Variants in SEC23A observed in about 807,000 individuals in gnomAD.
SEC23A encodes the protein SEC23 homolog A, COPII component, also known as protein transport protein Sec23A.
In SEC23A, 56 loss-of-function variants were observed where a neutral mutation model predicts 103.7. That is an observed-to-expected ratio of 0.54 (90% CI 0.44 to 0.67). SEC23A has a LOEUF of 0.67. Among genes scored for constraint, SEC23A ranks in the 30% least tolerant of loss-of-function variants. The pLI, the probability that SEC23A is intolerant of heterozygous loss-of-function variation, is 0.00. For missense variants in SEC23A, 784 were observed against 936.4 expected (o/e 0.84, Z 2.12); for synonymous variants, 281 against 293.0 (o/e 0.96, Z 0.42).
chr14:39,037,392 C>T (rs897285007), intron 19 of SEC23A, among the ~76,000 whole-genome samples: 4 of 152,132 alleles, frequency 2.6e-5, no homozygotes, highest in Non-Finnish European at 5.9e-5. Context: ...CCTGTTTCCC[C>T]TCACCTGTTT....
chr14:39,054,309 C>A (rs1173380647), intron 14 of SEC23A, among the ~76,000 whole-genome samples: 1 of 151,534 alleles, frequency 6.6e-6, no homozygotes, highest in Non-Finnish European at 1.5e-5. Flanking sequence ...TAATCAAGTG[C>A]TCTGTGTCAT....
chr14:39,080,534 T>C (rs1159825302), intron 7 of SEC23A, among the ~76,000 whole-genome samples: 1 of 152,052 alleles, frequency 6.6e-6, no homozygotes, highest in African/African-American at 2.4e-5. Context: ...GCCTCCCAAG[T>C]AGCTGGGATT....
intron 13 of SEC23A, among the ~76,000 whole-genome samples, chr14:39,057,385 T>G (rs573458153): frequency 2.0e-5 from 3 of 152,108 alleles, no homozygotes; most frequent in Non-Finnish European, 4.4e-5. Context: ...AAGGTCTCAC[T>G]CTATCACCCA....
rs374517830 is a variant in SEC23A at position 39,065,031 on chromosome 14, A to G, written c.1228-38T>C. 193 of 1,318,566 alleles carry G rather than the reference A, an allele frequency of 1.5e-4. 2 individuals carry two copies. The East Asian group carries it at 3.8e-3, about 26-fold the overall frequency. 81.7% of individuals were successfully genotyped at this position (1,318,566 alleles called of 1,614,324 possible). On this transcript the variant is annotated intron_variant, in intron 10 of 19. Transcript: ENST00000307712. ...AATACAGCATGTTCGGTTTCCTCAA[A>G]GATACGTTCAAATGTTCAACTACAG...
At chr14:39,050,925 T>C (rs978226303) in intron 14 of SEC23A, among the ~76,000 whole-genome samples, 2 of 152,244 alleles carry the variant, frequency 1.3e-5, no homozygotes, top group Non-Finnish European at 2.9e-5. Flanking sequence ...CAGTATCTTA[T>C]GTGATAAATG....
At chr14:39,039,484 T>G (rs1885564767) in intron 18 of SEC23A, 1 of 211,950 alleles carries the variant, frequency 4.7e-6, no homozygotes, top group African/African-American at 2.4e-5. Context: ...CTTAAAATAA[T>G]GACCCTTAAG....
In SEC23A at chr14:39,091,641, G is replaced by A. The variant is rs776723987; in HGVS notation, c.439C>T (p.Leu147=). The A allele has an allele frequency of 1.2e-6, 2 of 1,613,984 alleles. No individual in the cohort carries two copies. ...AATGACATCTGCATGGATTCTTTCA[G>A]GGCTTGTAAATCTTCATCTTCCATG... is the stretch of plus-strand genomic sequence containing the variant. ...TCMEDEDLQA[L]KESMQMSLSL... is the part of the protein sequence containing the mutation. The change falls in exon 5 of 20, where the codon CTG becomes TTG. Residue 147 remains leucine (L), a synonymous_variant. Coordinates refer to ENST00000307712, the MANE Select transcript of SEC23A (RefSeq NM_006364.4).
chr14:39,055,871 C>T (rs2139213864), intron 13 of SEC23A, among the ~76,000 whole-genome samples: 1 of 152,326 alleles, frequency 6.6e-6, no homozygotes, highest in Non-Finnish European at 1.5e-5. Flanking sequence ...CTATAACTAG[C>T]AACTTCAAGT....
chr14:39,053,517 T>G (rs1386392375), intron 14 of SEC23A, among the ~76,000 whole-genome samples: 1 of 151,646 alleles, frequency 6.6e-6, no homozygotes, highest in Non-Finnish European at 1.5e-5. Context: ...TCTTTCTTGT[T>G]TTTTTTTTTT....
At chr14:39,072,968 G>A (rs747456204) in intron 9 of SEC23A, among the ~76,000 whole-genome samples, 3 of 152,150 alleles carry the variant, frequency 2.0e-5, no homozygotes, top group Non-Finnish European at 2.9e-5. Context: ...ATTACTATGT[G>A]ATGCAACAAT....
At chr14:39,071,920 G>A (rs1886852972) in intron 9 of SEC23A, among the ~76,000 whole-genome samples, 1 of 151,982 alleles carries the variant, frequency 6.6e-6, no homozygotes, top group Non-Finnish European at 1.5e-5. Context: ...AAACTTTTGT[G>A]CTGCAAACAA....
chr14:39,061,906 A>C, intron 12 of SEC23A, 35 bp from the exon 13 acceptor site: 1 of 1,320,880 alleles, frequency 7.6e-7, no homozygotes, highest in Non-Finnish European at 1.1e-6. Flanking sequence ...CCTAAGCAAA[A>C]TTTACTATGC....
At position 39,095,935 on chromosome 14, in the gene SEC23A, T is replaced by C. The variant is rs1566516490; in HGVS notation, c.184A>G (p.Ser62Gly). 6.2e-7 allele frequency: 1 copy of C among 1,614,118 alleles called. No individual in the cohort carries two copies. Among genetic ancestry groups the C allele is most frequent in the Non-Finnish European group, 8.5e-7 (1 of 1,179,964 alleles). The change falls in exon 2 of 20, where the codon AGT (serine) becomes GGT (glycine). Residue 62 changes from serine to glycine, a missense_variant. By Grantham distance (56) the Ser-to-Gly change is moderately conservative (BLOSUM62 0). Coordinates refer to ENST00000307712, the MANE Select transcript of SEC23A (RefSeq NM_006364.4). ...AAAACTGCACGGCAAGTGGTCCTAC[T>C]ACACAGAACAGGTTCATATTGAATA... ...PPIQYEPVLC[S>G]RTTCRAVLNP... is the part of the protein sequence containing the mutation.
Position 39,096,094 on chromosome 14 carries a change from G to C in SEC23A, c.25C>G (p.Gln9Glu). MTTYLEFI[Q>E]QNEERDGVRF... ...ACTCCATCTCGTTCTTCATTTTGTTGAATGAATTCCAAATAGGTTGTCATT... is the reference window on the plus strand; with the variant it reads ...ACTCCATCTCGTTCTTCATTTTGTTCAATGAATTCCAAATAGGTTGTCATT... Residue 9 changes from glutamine (Q) to glutamate (E), a missense_variant, in exon 2 of 20, where the codon CAA becomes GAA. By Grantham distance (29) the Gln-to-Glu change is conservative. Coordinates refer to ENST00000307712, the MANE Select transcript of SEC23A (RefSeq NM_006364.4). The C allele has an allele frequency of 6.2e-7, 1 of 1,613,032 alleles. No homozygotes were observed. The highest frequency in any genetic ancestry group is 8.5e-7 in the Non-Finnish European group (1 of 1,179,048).
Position 39,095,109 on chromosome 14 carries a change from T to G in SEC23A, c.221+789A>C, listed in dbSNP as rs1887839567. 2.6e-5 allele frequency: 17 copies of G among 644,500 alleles called. No individual in the cohort carries two copies. The South Asian group carries it at 2.7e-4, about 10-fold the overall frequency. The allele number at this position is 644,500 out of a possible 1,614,324, so 39.9% of individuals were successfully genotyped here. A position where few individuals can be genotyped will look rare whatever the true frequency, so the allele number is the denominator to read the frequency against. On this transcript the variant is annotated intron_variant, in intron 2 of 19. Transcript: ENST00000307712. Reference sequence around the variant, plus strand: ...TGTGGTATCTTGAAGCAGGGTATACTACCAGAGATGGAATAAGAGGCTGTA... The same window carrying G: ...TGTGGTATCTTGAAGCAGGGTATACGACCAGAGATGGAATAAGAGGCTGTA...
chr14:39,055,423 T>C (rs1454217667), intron 13 of SEC23A, 127 bp from the exon 14 acceptor site: 6 of 1,034,578 alleles, frequency 5.8e-6, no homozygotes, highest in Non-Finnish European at 8.4e-6. Flanking sequence ...TTTTTTTTTT[T>C]TTGAGACAGA....
chr14:39,092,875 T>G (rs1248669499), intron 3 of SEC23A: 1 of 508,238 alleles, frequency 2.0e-6, no homozygotes, highest in Admixed American at 3.5e-5. Flanking sequence ...TTTGTTTGTT[T>G]GTTTTTGAGA....
At chr14:39,086,774 T>C (rs1461971795) in intron 6 of SEC23A, among the ~76,000 whole-genome samples, 155 bp downstream of exon 6, 2 of 152,228 alleles carry the variant, frequency 1.3e-5, no homozygotes, top group African/African-American at 4.8e-5. Flanking sequence ...AATGACATGA[T>C]TTTGACTCAA....
Position 39,033,155 on chromosome 14 carries a change from G to T in SEC23A, c.*84C>A. ...AAAAAATATAGAGCAATATCTGTTG[G>T]TTTCCACAGATAAATGGAAAAAGGA... On this transcript the variant is annotated 3_prime_UTR_variant, in exon 20 of 20. Transcript: ENST00000307712. 1.0e-6 allele frequency: 1 copy of T among 993,672 alleles called. No homozygotes were observed. Among genetic ancestry groups the T allele is most frequent in the Non-Finnish European group, 1.6e-6 (1 of 616,228 alleles). 61.6% of individuals were successfully genotyped at this position (993,672 alleles called of 1,614,324 possible).
Sources: allele counts gnomAD v4.1 joint callset (sites outside exome capture counted in the v4.1 genomes callset), GRCh38; gene constraint gnomAD v4.1.1; transcripts MANE v1.5; gene names NCBI Gene and HGNC (gene_info 2026-07-23, HGNC 2026-07-21).